Variants in ZNF644 observed in about 807,000 individuals in gnomAD.
The protein encoded by ZNF644 is zinc finger protein 644.
In ZNF644, 20 loss-of-function variants were observed where a neutral mutation model predicts 108.0. The observed-to-expected ratio is 0.19, with a 90% CI of 0.13 to 0.27. The LOEUF (loss-of-function observed/expected upper bound fraction) is 0.27, where lower values mean the gene tolerates loss of function less well. Among genes scored for constraint, ZNF644 ranks in the 10% least tolerant of loss-of-function variants. ZNF644 has a pLI of 1.00. For synonymous variants in ZNF644, 542 were observed against 539.1 expected (o/e 1.01, Z -0.08); for missense variants, 1,338 against 1,548.9 (o/e 0.86, Z 2.29).
At chr1:90,922,875 A>T (rs533029611) in intron 4 of ZNF644, among the ~76,000 whole-genome samples, 1 of 152,150 alleles carries the variant, frequency 6.6e-6, no homozygotes, top group African/African-American at 2.4e-5. Flanking sequence ...AAATTCAATT[A>T]TAACTGTTGT....
intron 2 of ZNF644, among the ~76,000 whole-genome samples, chr1:90,975,646 G>A (rs979086531): frequency 4.6e-5 from 7 of 152,042 alleles, no homozygotes; most frequent in Admixed American, 2.0e-4. Context: ...GTTTCACCAC[G>A]TTGGCCAGGC....
intron 2 of ZNF644, among the ~76,000 whole-genome samples, chr1:90,971,241 A>G (rs1655439380): frequency 6.6e-6 from 1 of 151,466 alleles, no homozygotes; most frequent in African/African-American, 2.4e-5. Flanking sequence ...TAAAAAAAAA[A>G]ATCAATGTAA....
At position 90,937,952 on chromosome 1, in the gene ZNF644, G is replaced by C; in HGVS notation, c.3221C>G (p.Ser1074Cys). The C allele has an allele frequency of 6.2e-7, 1 of 1,613,174 alleles. No homozygotes were observed. Among genetic ancestry groups the C allele is most frequent in the Non-Finnish European group, 8.5e-7 (1 of 1,179,862 alleles). ...LGKTKWDAHKSPICVLNEMMQ... is the reference protein window; with the variant it reads ...LGKTKWDAHKCPICVLNEMMQ... ...CATCTCATTCAGAACACAGATTGGA[G>C]ATTTGTGAGCATCCCATTTCGTCTT... The change falls in exon 4 of 6, where the codon TCT becomes TGT. Residue 1074 changes from serine (S) to cysteine (C), a missense_variant. Ser to Cys is a moderately radical substitution (Grantham distance 112). Coordinates refer to ENST00000337393, the MANE Select transcript of ZNF644 (RefSeq NM_201269.3).
At chr1:91,008,304 G>A (rs1391018481) in intron 1 of ZNF644, among the ~76,000 whole-genome samples, 1 of 152,104 alleles carries the variant, frequency 6.6e-6, no homozygotes, top group Non-Finnish European at 1.5e-5. Flanking sequence ...CAGACTTTTA[G>A]ACAATTCCTT....
intron 1 of ZNF644, among the ~76,000 whole-genome samples, chr1:90,986,710 A>G (rs1263028164): frequency 1.3e-5 from 2 of 152,074 alleles, no homozygotes; most frequent in African/African-American, 2.4e-5. Flanking sequence ...CTAAACACTG[A>G]CAATTCAGAA....
chr1:90,956,762 G>A (rs1653793932), intron 2 of ZNF644, among the ~76,000 whole-genome samples: 1 of 152,078 alleles, frequency 6.6e-6, no homozygotes, highest in African/African-American at 2.4e-5. Context: ...TGAGGCAGGA[G>A]GCTCACCTGA....
chr1:91,010,878 C>T (rs1001504498), intron 1 of ZNF644, among the ~76,000 whole-genome samples: 39 of 152,244 alleles, frequency 2.6e-4, no homozygotes, highest in Non-Finnish European at 3.7e-4. Flanking sequence ...CAAGACTTTT[C>T]TGAATACAAA....
chr1:90,986,933 TCAAAGAAATTA>T (rs1283108420), intron 1 of ZNF644, among the ~76,000 whole-genome samples: 1 of 151,036 alleles, frequency 6.6e-6, no homozygotes, highest in African/African-American at 2.4e-5. Context: ...AACCAATGGG[TCAAAGAAATTA>T]CAAAGAAATT....
chr1:90,996,613 C>T (rs961027457), intron 1 of ZNF644, among the ~76,000 whole-genome samples: 2 of 152,022 alleles, frequency 1.3e-5, no homozygotes, highest in African/African-American at 2.4e-5. Flanking sequence ...GGTGGTACCC[C>T]GTCTCTAAAT....
In ZNF644 at chr1:90,918,168, G is replaced by A; in HGVS notation, c.3689-14C>T. 1 of 1,598,900 alleles carries A rather than the reference G, an allele frequency of 6.3e-7. No homozygotes were observed. Among genetic ancestry groups the A allele is most frequent in the Non-Finnish European group, 8.6e-7 (1 of 1,166,298 alleles). On this transcript the variant is annotated splice_polypyrimidine_tract_variant and intron_variant, in intron 4 of 5. Transcript: ENST00000337393. ...TACAATCTAAGGCTAAAAAGGGGAA[G>A]AGAAAGACTTAACATTCCTTATATA...
chr1:90,957,452 A>G (rs1653866733), intron 2 of ZNF644, among the ~76,000 whole-genome samples: 2 of 152,218 alleles, frequency 1.3e-5, no homozygotes, highest in Non-Finnish European at 2.9e-5. Flanking sequence ...GATTTACCCC[A>G]GGAATGCCAG....
chr1:90,954,454 T>A (rs1165650810), intron 2 of ZNF644, among the ~76,000 whole-genome samples: 2 of 152,012 alleles, frequency 1.3e-5, no homozygotes, highest in African/African-American at 4.8e-5. Context: ...TTGCCCAGGA[T>A]GGAGTGCAGT....
At chr1:91,007,230 T>G (rs1430256573) in intron 1 of ZNF644, among the ~76,000 whole-genome samples, 10 of 131,036 alleles carry the variant, frequency 7.6e-5, no homozygotes, top group African/African-American at 1.7e-4. Flanking sequence ...ATTTTGTTTT[T>G]TTTTTTTTTT....
intron 4 of ZNF644, among the ~76,000 whole-genome samples, chr1:90,924,134 G>C (rs997551401): frequency 1.3e-5 from 2 of 152,152 alleles, no homozygotes; most frequent in African/African-American, 4.8e-5. Flanking sequence ...AGGCAGGCTA[G>C]TTTTATCAGC....
At chr1:91,007,219 C>CTTTTTTTTTTTT (rs1557658445) in intron 1 of ZNF644, among the ~76,000 whole-genome samples, 1 of 114,246 alleles carries the variant, frequency 8.8e-6, no homozygotes, top group Non-Finnish European at 1.8e-5. Context: ...CATTTTCTCC[C>CTTTTTTTTTTTT]ATTTTGTTTT....
At chr1:90,942,788 A>G (rs1570392261) in intron 2 of ZNF644, among the ~76,000 whole-genome samples, 1 of 152,180 alleles carries the variant, frequency 6.6e-6, no homozygotes, top group East Asian at 1.9e-4. Context: ...TGGCAACCCC[A>G]GGTATTAACT....
chr1:90,999,428 T>C (rs774602057), intron 1 of ZNF644, among the ~76,000 whole-genome samples: 1 of 152,176 alleles, frequency 6.6e-6, no homozygotes, highest in African/African-American at 2.4e-5. Flanking sequence ...CAGAATTTCA[T>C]AGCCAGCCAA....
rs1203798076 is a variant in ZNF644 at position 90,916,422 on chromosome 1, T to G, written c.*376A>C. ...CAAAATATAATATCTTATTTTTCTA[T>G]GCAAGTCTTGTGGGGAATAAACAGA... On this transcript the variant is annotated 3_prime_UTR_variant, in exon 6 of 6. Transcript: ENST00000337393. 9.7e-6 allele frequency: 2 copies of G among 206,498 alleles called. No individual in the cohort carries two copies. The highest frequency in any genetic ancestry group is 2.5e-4 in the East Asian group (2 of 7,990). 12.8% of individuals were successfully genotyped at this position (206,498 alleles called of 1,614,324 possible).
At chr1:90,981,291 C>T (rs550010691) in intron 2 of ZNF644, among the ~76,000 whole-genome samples, 43 of 152,094 alleles carry the variant, frequency 2.8e-4, no homozygotes, top group African/African-American at 9.4e-4. Context: ...GGTACTATAA[C>T]GATCAATAAG....
Sources: gnomAD v4.1 joint callset for allele counts (sites outside exome capture counted in the v4.1 genomes callset) on GRCh38, gnomAD v4.1.1 for gene constraint, MANE v1.5 for transcripts, NCBI Gene and HGNC (gene_info 2026-07-23, HGNC 2026-07-21) for gene names.